The following PDE1C variants were observed in gnomAD, a reference collection of about 807,000 sequenced individuals.
PDE1C encodes phosphodiesterase 1C, also known as dual specificity calcium/calmodulin-dependent 3',5'-cyclic nucleotide phosphodiesterase 1C.
In PDE1C, 62 loss-of-function variants were observed where a neutral mutation model predicts 93.1. That is an observed-to-expected ratio of 0.67 (90% CI 0.54 to 0.82). The LOEUF is 0.82. PDE1C is among the 40% of genes least tolerant of loss of function. The probability of loss-of-function intolerance (pLI) is 0.00; values close to 1 mark genes in which losing one functional copy is unlikely to be tolerated. For missense variants in PDE1C, 742 were observed against 884.6 expected (o/e 0.84, Z 2.04); for synonymous variants, 325 against 310.1 (o/e 1.05, Z -0.50).
upstream of PDE1C, among the ~76,000 whole-genome samples, chr7:32,300,987 G>A (rs938826193): frequency 3.3e-5 from 5 of 151,244 alleles, no homozygotes; most frequent in East Asian, 5.8e-4. Flanking sequence ...ATAGATACAC[G>A]CCACCACACC....
At chr7:32,392,143 A>C (rs1784761585) in intron 1 of PDE1C, among the ~76,000 whole-genome samples, 1 of 152,180 alleles carries the variant, frequency 6.6e-6, no homozygotes, top group African/African-American at 2.4e-5. Context: ...GAAAGGGAGA[A>C]TATCACTACC....
At chr7:31,763,583 A>G (rs1454591098) in intron 17 of PDE1C, among the ~76,000 whole-genome samples, 1 of 152,228 alleles carries the variant, frequency 6.6e-6, no homozygotes, top group Non-Finnish European at 1.5e-5. Context: ...TAAAATGAGA[A>G]TAGTAACTGC....
chr7:31,824,069 C>T (rs538703973), intron 13 of PDE1C, among the ~76,000 whole-genome samples: 12 of 152,162 alleles, frequency 7.9e-5, no homozygotes, highest in African/African-American at 1.4e-4. Flanking sequence ...CCTGTCCTAA[C>T]GCCTGTCTTT....
chr7:31,821,372 G>T (rs1036015697), intron 14 of PDE1C, among the ~76,000 whole-genome samples: 2 of 152,148 alleles, frequency 1.3e-5, no homozygotes, highest in African/African-American at 4.8e-5. Flanking sequence ...TTCCCCAGGT[G>T]ATTAGTTTCT....
At chr7:32,354,083 T>C (rs534028094) in intron 1 of PDE1C, among the ~76,000 whole-genome samples, 16 of 152,282 alleles carry the variant, frequency 1.1e-4, no homozygotes, top group African/African-American at 3.8e-4. Flanking sequence ...CCAAGATCCC[T>C]CCCAAAGCGT....
the PDE1C span, chr7:31,652,057 G>T: frequency 6.4e-7 from 1 of 1,569,800 alleles, no homozygotes; most frequent in Non-Finnish European, 8.7e-7. Context: ...ACTGGTATGG[G>T]TGATGGGGTG....
intron 1 of PDE1C, among the ~76,000 whole-genome samples, chr7:32,259,607 C>T (rs1810051864): frequency 6.6e-6 from 1 of 152,140 alleles, no homozygotes; most frequent in Admixed American, 6.5e-5. Context: ...TTTCTCACTA[C>T]CCTGGGCTGA....
chr7:32,216,471 A>G (rs542712111), intron 1 of PDE1C, among the ~76,000 whole-genome samples: 15 of 152,282 alleles, frequency 9.9e-5, no homozygotes, highest in African/African-American at 3.4e-4. Flanking sequence ...CCTGGCATAC[A>G]ATATTTATGG....
intron 16 of PDE1C, chr7:31,783,889 C>G (rs1783649736): frequency 6.6e-6 from 1 of 152,170 alleles, no homozygotes; most frequent in African/African-American, 2.4e-5. Flanking sequence ...TATTTCACAT[C>G]ATGGAAGTAC....
chr7:32,210,086 C>G (rs866909689), intron 1 of PDE1C, among the ~76,000 whole-genome samples: 4 of 152,210 alleles, frequency 2.6e-5, no homozygotes, highest in Middle Eastern at 3.2e-3. Flanking sequence ...GTTCAGAAAA[C>G]TGCCCTAGAA....
chr7:31,652,066 T>A, the PDE1C span: 15 of 1,552,436 alleles, frequency 9.7e-6, no homozygotes, highest in Non-Finnish European at 1.3e-5. Flanking sequence ...GGTGATGGGG[T>A]GTGGAGTTTG....
chr7:31,879,709 A>T (rs536221669), intron 3 of PDE1C, among the ~76,000 whole-genome samples: 20 of 152,220 alleles, frequency 1.3e-4, no homozygotes, highest in Non-Finnish European at 2.4e-4. Flanking sequence ...AAAATAATGC[A>T]GTTCTTTATT....
At chr7:31,795,740 C>T (rs1363482534) in intron 16 of PDE1C, among the ~76,000 whole-genome samples, 3 of 151,632 alleles carry the variant, frequency 2.0e-5, no homozygotes, top group Non-Finnish European at 3.0e-5. Context: ...CTTAGTATAA[C>T]ACAATTTATT....
At chr7:31,736,548 C>CT in the PDE1C span, among the ~76,000 whole-genome samples, 1 of 152,164 alleles carries the variant, frequency 6.6e-6, no homozygotes, top group Admixed American at 6.5e-5. Flanking sequence ...AACCGTGTGG[C>CT]TTTTTTCCCT....
intron 9 of PDE1C, among the ~76,000 whole-genome samples, chr7:31,841,980 C>T (rs2128778259): frequency 6.6e-6 from 1 of 152,204 alleles, no homozygotes; most frequent in Admixed American, 6.5e-5. Context: ...CTAGTTAGGC[C>T]TTCAACTGGT....
intron 1 of PDE1C, among the ~76,000 whole-genome samples, chr7:32,239,411 T>C (rs1808380945): frequency 6.6e-6 from 1 of 151,918 alleles, no homozygotes; most frequent in Admixed American, 6.6e-5. Context: ...AGAAAATCCA[T>C]AAACAAAGTG....
intron 11 of PDE1C, among the ~76,000 whole-genome samples, chr7:31,836,461 A>G (rs1170715072): frequency 6.6e-6 from 1 of 151,942 alleles, no homozygotes; most frequent in African/African-American, 2.4e-5. Flanking sequence ...CAGCCTCTCA[A>G]GTAGCTGGGA....
intron 1 of PDE1C, among the ~76,000 whole-genome samples, chr7:32,255,247 G>A (rs73089912): frequency 4.5e-4 from 69 of 152,216 alleles, no homozygotes; most frequent in African/African-American, 1.1e-3. Flanking sequence ...AAGATAAACC[G>A]CCTGGATTTA....
chr7:32,140,789 G>A (rs964983975), intron 3 of PDE1C, among the ~76,000 whole-genome samples: 2 of 152,222 alleles, frequency 1.3e-5, no homozygotes, highest in African/African-American at 2.4e-5. Flanking sequence ...GCCTCAGCGT[G>A]CCCACTCGAG....
Sources: gnomAD v4.1 joint callset for allele counts (sites outside exome capture counted in the v4.1 genomes callset) on GRCh38, gnomAD v4.1.1 for gene constraint, MANE v1.5 for transcripts, NCBI Gene and HGNC (gene_info 2026-07-23, HGNC 2026-07-21) for gene names.